The following CHRM3 variants were observed in gnomAD, a reference collection of about 807,000 sequenced individuals.
CHRM3 encodes cholinergic receptor muscarinic 3.
Under a neutral mutation model 41.8 loss-of-function variants are expected in CHRM3, and 11 were observed. The ratio of observed to expected loss-of-function variants is 0.26; its 90% CI spans 0.17 to 0.44. The LOEUF (loss-of-function observed/expected upper bound fraction) is 0.44. Ranked by LOEUF, CHRM3 falls within the 20% of genes least tolerant of loss-of-function variation. The probability of loss-of-function intolerance (pLI) is 1.00; values close to 1 mark genes in which losing one functional copy is unlikely to be tolerated. For synonymous variants in CHRM3, 297 were observed against 301.4 expected, an observed-to-expected ratio of 0.99 and a Z score of 0.15; for missense variants, 571 against 745.4, an observed-to-expected ratio of 0.77 and a Z score of 2.72.
chr1:239,796,621 G>A (rs1253169744), intron 5 of CHRM3, among the ~76,000 whole-genome samples: 7 of 151,934 alleles, frequency 4.6e-5, no homozygotes, highest in African/African-American at 7.3e-5. Flanking sequence ...TCAGCGTCTC[G>A]GAGGCATTCT....
chr1:239,822,241 C>A (rs1236484527), intron 5 of CHRM3, among the ~76,000 whole-genome samples: 1 of 152,220 alleles, frequency 6.6e-6, no homozygotes, highest in East Asian at 1.9e-4. Flanking sequence ...TAGTAATTGG[C>A]AACTCTTGCC....
chr1:239,502,024 A>G (rs1024162834), intron 2 of CHRM3, among the ~76,000 whole-genome samples: 1 of 152,164 alleles, frequency 6.6e-6, no homozygotes, highest in African/African-American at 2.4e-5. Flanking sequence ...GTAACTATAG[A>G]AACAAGAACA....
At chr1:239,838,014 C>T (rs181441219) in intron 6 of CHRM3, among the ~76,000 whole-genome samples, 7 of 152,080 alleles carry the variant, frequency 4.6e-5, no homozygotes, top group East Asian at 1.9e-4. Context: ...GGAATTTTAA[C>T]GAAGAGAGAG....
chr1:239,460,802 C>CA (rs929843287), intron 1 of CHRM3, among the ~76,000 whole-genome samples: 4 of 151,906 alleles, frequency 2.6e-5, no homozygotes, highest in Non-Finnish European at 5.9e-5. Flanking sequence ...GTGATCAACA[C>CA]AAAAAAATGA....
chr1:239,419,354 G>T (rs568852137), intron 1 of CHRM3, among the ~76,000 whole-genome samples: 1 of 144,794 alleles, frequency 6.9e-6, no homozygotes, highest in Non-Finnish European at 1.5e-5. Flanking sequence ...CTAACAGGCC[G>T]ACCCAGCCTT....
At chr1:239,630,429 A>C (rs1669683629) in intron 3 of CHRM3, among the ~76,000 whole-genome samples, 2 of 152,200 alleles carry the variant, frequency 1.3e-5, no homozygotes, top group Non-Finnish European at 2.9e-5. Flanking sequence ...GAGAGGACTG[A>C]CACATGGTTA....
intron 3 of CHRM3, among the ~76,000 whole-genome samples, chr1:239,569,977 A>T (rs1264724101): frequency 6.6e-6 from 1 of 152,210 alleles, no homozygotes; most frequent in Non-Finnish European, 1.5e-5. Flanking sequence ...CCTTCTGAGG[A>T]AATCAAAAGG....
chr1:239,668,613 T>C (rs572388645), intron 4 of CHRM3, among the ~76,000 whole-genome samples: 1 of 152,348 alleles, frequency 6.6e-6, no homozygotes, highest in East Asian at 1.9e-4. Context: ...ATTAGAATTC[T>C]ACAGTAATAG....
chr1:239,670,545 C>A (rs1333982928), intron 4 of CHRM3, among the ~76,000 whole-genome samples: 3 of 152,146 alleles, frequency 2.0e-5, no homozygotes, highest in Admixed American at 1.3e-4. Flanking sequence ...GAGTCTCACT[C>A]TGTCGCCCAG....
At chr1:239,514,141 A>G (rs764740142) in intron 2 of CHRM3, among the ~76,000 whole-genome samples, 10 of 152,148 alleles carry the variant, frequency 6.6e-5, no homozygotes, top group Non-Finnish European at 1.2e-4. Flanking sequence ...TGTATAAATT[A>G]TAGAATCAAG....
At chr1:239,686,921 G>T (rs1185070598) in intron 5 of CHRM3, among the ~76,000 whole-genome samples, 2 of 152,100 alleles carry the variant, frequency 1.3e-5, no homozygotes, top group Non-Finnish European at 2.9e-5. Flanking sequence ...TGCTTTCTAA[G>T]ATTTTAATAG....
chr1:239,640,270 C>A (rs1670966985), intron 4 of CHRM3, among the ~76,000 whole-genome samples: 1 of 152,178 alleles, frequency 6.6e-6, no homozygotes, highest in South Asian at 2.1e-4. Context: ...CAGGATGATG[C>A]TGGCATCATA....
intron 6 of CHRM3, among the ~76,000 whole-genome samples, chr1:239,859,823 A>ATATATATT (rs1675476013): frequency 1.1e-4 from 4 of 37,610 alleles, no homozygotes; most frequent in African/African-American, 1.9e-4. Context: ...AGTGTTTTAT[A>ATATATATT]TATATATATA....
intron 3 of CHRM3, among the ~76,000 whole-genome samples, chr1:239,592,106 C>A (rs1867262): frequency 0.78 from 118,721 of 152,112 alleles, 50,613 homozygotes; most frequent in Non-Finnish European, 0.93. Flanking sequence ...GTAAGAGGAG[C>A]TTATTCATTT....
intron 6 of CHRM3, among the ~76,000 whole-genome samples, chr1:239,850,968 C>T (rs1451904428): frequency 6.6e-6 from 1 of 152,070 alleles, no homozygotes; most frequent in Non-Finnish European, 1.5e-5. Context: ...TATGGGATAT[C>T]AGACATCCCT....
intron 6 of CHRM3, among the ~76,000 whole-genome samples, chr1:239,834,809 C>CG (rs138221096): frequency 0.017 from 2,606 of 152,244 alleles, 82 homozygotes; most frequent in African/African-American, 0.06. Context: ...TTCTACCCCA[C>CG]GATCTAGTAC....
chr1:239,618,580 C>T (rs1384149027), intron 3 of CHRM3, among the ~76,000 whole-genome samples: 4 of 151,926 alleles, frequency 2.6e-5, no homozygotes, highest in South Asian at 2.1e-4. Context: ...CGCGGTGGCT[C>T]ACGCCTGTAA....
At chr1:239,650,788 CATTA>C (rs1447863830) in intron 4 of CHRM3, among the ~76,000 whole-genome samples, 1 of 152,132 alleles carries the variant, frequency 6.6e-6, no homozygotes, top group East Asian at 1.9e-4. Flanking sequence ...TGAGAAGCAA[CATTA>C]ATTACTGGAT....
chr1:239,705,214 A>C (rs1320860720), intron 5 of CHRM3: 3 of 152,268 alleles, frequency 2.0e-5, no homozygotes, highest in African/African-American at 4.8e-5. Flanking sequence ...CTCAAAAAAA[A>C]CATATGAAAA....
Sources: gnomAD v4.1 joint callset for allele counts (sites outside exome capture counted in the v4.1 genomes callset) on GRCh38, gnomAD v4.1.1 for gene constraint, MANE v1.5 for transcripts, NCBI Gene and HGNC (gene_info 2026-07-23, HGNC 2026-07-21) for gene names.